DGKB: variants seen among roughly 807,000 people sequenced by gnomAD.
The protein encoded by DGKB is diacylglycerol kinase beta.
DGKB carries 67 observed loss-of-function variants against 114.3 expected under a neutral mutation model. The ratio of observed to expected loss-of-function variants is 0.59; its 90% CI spans 0.48 to 0.72. The LOEUF is 0.72. Ranked by LOEUF, DGKB falls within the 30% of genes least tolerant of loss-of-function variation. DGKB has a pLI of 0.00. For synonymous variants in DGKB, 398 were observed against 323.1 expected (o/e 1.23, Z -2.49); for missense variants, 907 against 975.2 (o/e 0.93, Z 0.93).
intron 21 of DGKB, among the ~76,000 whole-genome samples, chr7:14,437,515 T>C (rs1829453603): frequency 6.6e-6 from 1 of 152,024 alleles, no homozygotes; most frequent in African/African-American, 2.4e-5. Context: ...TTTTTAAAGT[T>C]TCTAATTAAA....
At chr7:14,567,425 TTA>T (rs1491031169) in intron 20 of DGKB, among the ~76,000 whole-genome samples, 781 of 52,272 alleles carry the variant, frequency 0.015, 19 homozygotes, top group Non-Finnish European at 0.018. Flanking sequence ...TATTTATATA[TTA>T]TATATATAAT....
At chr7:14,775,728 C>T (rs905138205) in intron 2 of DGKB, among the ~76,000 whole-genome samples, 17 of 152,002 alleles carry the variant, frequency 1.1e-4, no homozygotes, top group African/African-American at 4.1e-4. Context: ...TTTCCTGAGG[C>T]CTCCCCAGCC....
At chr7:14,839,945 T>C (rs1359325056) in intron 2 of DGKB, among the ~76,000 whole-genome samples, 3 of 152,264 alleles carry the variant, frequency 2.0e-5, no homozygotes, top group Middle Eastern at 3.4e-3. Flanking sequence ...AGAATACCTT[T>C]GAAACTGGTC....
intron 20 of DGKB, among the ~76,000 whole-genome samples, chr7:14,542,788 C>A (rs1187000182): frequency 6.6e-6 from 1 of 152,182 alleles, no homozygotes; most frequent in East Asian, 1.9e-4. Context: ...CAATCGCATC[C>A]AGAGGACTTT....
At chr7:14,810,276 T>C (rs1176809563) in intron 2 of DGKB, among the ~76,000 whole-genome samples, 1 of 152,168 alleles carries the variant, frequency 6.6e-6, no homozygotes, top group Non-Finnish European at 1.5e-5. Flanking sequence ...TTTCTACCAA[T>C]CTAGTGAAAC....
In DGKB at chr7:14,758,920, G is replaced by GATAC. The variant is rs1341234996; in HGVS notation, c.71-1190_71-1189insGTAT. 5.8e-4 allele frequency among the ~76,000 whole-genome samples: 76 copies of GATAC among 131,818 alleles called. 1 individual carries two copies. The highest frequency in any genetic ancestry group is 4.1e-3 in the East Asian group (19 of 4,610). 86.5% of individuals were successfully genotyped at this position (131,818 alleles called of 152,430 possible). ...AGATAGATAGATAGATAGATAGATA[G>GATAC]ATAGATAGATAGATACATAGATAGA... On this transcript the variant is annotated intron_variant, in intron 2 of 25. Transcript: ENST00000402815.
chr7:14,360,386 A>T (rs1163488547), intron 21 of DGKB, among the ~76,000 whole-genome samples: 2 of 151,984 alleles, frequency 1.3e-5, no homozygotes, highest in African/African-American at 4.8e-5. Context: ...TGGGTGCAGC[A>T]AGCTAACATG....
At chr7:14,390,452 C>T (rs2128705869) in intron 21 of DGKB, among the ~76,000 whole-genome samples, 1 of 152,288 alleles carries the variant, frequency 6.6e-6, no homozygotes, top group South Asian at 2.1e-4. Context: ...TTCCCCTTGC[C>T]TTTCAACTTG....
intron 6 of DGKB, among the ~76,000 whole-genome samples, chr7:14,707,031 G>T (rs1326176979): frequency 1.3e-5 from 2 of 150,696 alleles, no homozygotes; most frequent in African/African-American, 4.9e-5. Context: ...TCCAGGAGCT[G>T]GTTTTTTGAA....
intron 23 of DGKB, chr7:14,209,354 G>T: frequency 2.4e-6 from 1 of 422,544 alleles, no homozygotes; most frequent in South Asian, 1.7e-5. Flanking sequence ...ACAAGATTGG[G>T]TATTTGGAAA....
At chr7:14,382,147 G>A (rs920691934) in intron 21 of DGKB, among the ~76,000 whole-genome samples, 1 of 152,158 alleles carries the variant, frequency 6.6e-6, no homozygotes. Context: ...GGATAGTCCC[G>A]CCAAGAAGGA....
intron 25 of DGKB, among the ~76,000 whole-genome samples, chr7:14,174,497 A>C (rs1781441999): frequency 6.6e-6 from 1 of 152,198 alleles, no homozygotes; most frequent in Non-Finnish European, 1.5e-5. Flanking sequence ...TCTCCTGAGA[A>C]GAGTCCAAAA....
intron 25 of DGKB, among the ~76,000 whole-genome samples, chr7:14,175,199 C>T (rs1431023121): frequency 1.3e-5 from 2 of 152,122 alleles, no homozygotes; most frequent in African/African-American, 2.4e-5. Context: ...GCTATTTAAC[C>T]TCCCAGAACT....
chr7:14,777,942 T>A lies in DGKB; in HGVS notation c.71-20211A>T, dbSNP rs141972978. 2.3e-3 allele frequency among the ~76,000 whole-genome samples: 347 copies of A among 152,328 alleles called. 2 individuals are homozygous for A. Among genetic ancestry groups the A allele is most frequent in the African/African-American group, 8.1e-3 (338 of 41,566 alleles). On this transcript the variant is annotated intron_variant, in intron 2 of 25. Coordinates refer to ENST00000402815, the MANE Select transcript of DGKB (RefSeq NM_001350709.2). ...GAAGTGTTGGCTCTTGTGTATAGAA[T>A]CTGGAAATAATTCTAATGTGAAGCA...
At chr7:14,954,617 G>T (rs1352734579) in intron 1 of DGKB, among the ~76,000 whole-genome samples, 2 of 151,826 alleles carry the variant, frequency 1.3e-5, no homozygotes, top group South Asian at 2.1e-4. Flanking sequence ...GGGGGAGGGG[G>T]TTACAAATAT....
At chr7:14,557,654 T>C (rs1796064794) in intron 20 of DGKB, among the ~76,000 whole-genome samples, 1 of 152,078 alleles carries the variant, frequency 6.6e-6, no homozygotes, top group Non-Finnish European at 1.5e-5. Context: ...ATATTGGCTT[T>C]TGATAGAAAA....
At chr7:14,657,141 C>G (rs79826176) in intron 13 of DGKB, among the ~76,000 whole-genome samples, 7,276 of 151,762 alleles carry the variant, frequency 0.048, 612 homozygotes, top group African/African-American at 0.17. Flanking sequence ...CATGCTATGA[C>G]TCTTTAAAAT....
intron 25 of DGKB, among the ~76,000 whole-genome samples, chr7:14,165,745 G>A (rs1447802892): frequency 2.6e-5 from 4 of 152,246 alleles, no homozygotes; most frequent in Admixed American, 6.5e-5. Context: ...GCCTTTGAAA[G>A]GACCATTAAA....
Position 14,149,162 on chromosome 7 carries a change from A to C in DGKB, c.2381T>G (p.Val794Gly). 6.2e-7 allele frequency: 1 copy of C among 1,613,520 alleles called. No individual in the cohort carries two copies. Among genetic ancestry groups the C allele is most frequent in the Non-Finnish European group, 8.5e-7 (1 of 1,179,548 alleles). ...CTTGCTTCGGTTTCTTGTCCTTTTGACGAGGGAGCAGAATAAACCGGTTTT... is the reference window on the plus strand; with the variant it reads ...CTTGCTTCGGTTTCTTGTCCTTTTGCCGAGGGAGCAGAATAAACCGGTTTT... ...PPKTGLFCSL[V>G]KRTRNRSKE Residue 794 changes from valine to glycine, a missense_variant, in exon 26 of 26, where the codon GTC becomes GGC. Physicochemically the swap from Val to Gly is moderately radical, Grantham distance 109. Around this residue, in one of 3 missense-constraint regions of DGKB, gnomAD observed 58 missense variants for 52.5 expected, o/e 1.10. Transcript: ENST00000402815.
Sources: gnomAD v4.1 joint callset for allele counts (sites outside exome capture counted in the v4.1 genomes callset) on GRCh38, gnomAD v4.1.1 for gene constraint, gnomAD v4.1.1 regional missense constraint, MANE v1.5 for transcripts, NCBI Gene and HGNC (gene_info 2026-07-23, HGNC 2026-07-21) for gene names.